The following AGAP1 variants were observed in gnomAD, a reference collection of about 807,000 sequenced individuals.
AGAP1 encodes arf-GAP with GTPase, ANK repeat and PH domain-containing protein 1.
A neutral mutation model predicts 105.3 loss-of-function variants in AGAP1; 29 were observed. That is an observed-to-expected ratio of 0.28 (90% CI 0.21 to 0.38). The LOEUF (loss-of-function observed/expected upper bound fraction) is 0.38, where lower values mean the gene tolerates loss of function less well. Among genes scored for constraint, AGAP1 ranks in the 10% least tolerant of loss-of-function variants. The pLI is 1.00. For missense variants in AGAP1, 998 were observed against 1,165.1 expected (o/e 0.86, Z 2.09); for synonymous variants, 509 against 485.9 (o/e 1.05, Z -0.63).
chr2:235,645,978 A>ATG (rs374752298), intron 1 of AGAP1, among the ~76,000 whole-genome samples: 167 of 152,204 alleles, frequency 1.1e-3, no homozygotes, highest in South Asian at 3.9e-3. Context: ...CTTGGTTGAC[A>ATG]TCAAGAAGGT....
Position 235,982,184 on chromosome 2 carries a change from C to T in AGAP1, c.1645+13561C>T, listed in dbSNP as rs114178122. On this transcript the variant is annotated intron_variant, in intron 13 of 17. Transcript: ENST00000304032. The surrounding 1 kb of genome is among the most constrained non-coding windows in gnomAD (Gnocchi z 4.9). ...GGCATATATAATGATGATCTCTTCG[C>T]AGCCTGGTAATTTTACCTGGACAAG... 8.7e-3 allele frequency among the ~76,000 whole-genome samples: 1,323 copies of T among 152,304 alleles called. 16 individuals carry two copies. The highest frequency in any genetic ancestry group is 0.03 in the African/African-American group (1,261 of 41,568).
At position 235,689,809 on chromosome 2, in the gene AGAP1, A is replaced by G. The variant is rs1361459576; in HGVS notation, c.164-19370A>G. On this transcript the variant is annotated intron_variant, in intron 1 of 17. Coordinates refer to ENST00000304032, the MANE Select transcript of AGAP1 (RefSeq NM_001037131.3). The surrounding 1 kb of genome is among the most constrained non-coding windows in gnomAD (Gnocchi z 4.2). Reference sequence around the variant, plus strand: ...AGCTCGTGCCTGCAGAGACTCTGCCAGCAGGGCTGAGGCTGCTGCCAGGAG... The same window carrying G: ...AGCTCGTGCCTGCAGAGACTCTGCCGGCAGGGCTGAGGCTGCTGCCAGGAG... Among the ~76,000 whole-genome samples the G allele has an allele frequency of 6.6e-6, 1 of 152,256 alleles. No homozygotes were observed. Among genetic ancestry groups the G allele is most frequent in the Non-Finnish European group, 1.5e-5 (1 of 68,046 alleles).
chr2:235,533,761 G>C (rs1308171405), intron 1 of AGAP1, among the ~76,000 whole-genome samples: 1 of 152,186 alleles, frequency 6.6e-6, no homozygotes, highest in Non-Finnish European at 1.5e-5. Context: ...TGCTCCTGTC[G>C]CCTGGTTTCA....
In AGAP1 at chr2:235,919,699, T is replaced by C. The variant is rs1168186392; in HGVS notation, c.1324+10793T>C. ...CAGTGTTGTCAAATGAAAATGAATTTCATGTTAAAAACACACACACACACA... is the reference window on the plus strand; with the variant it reads ...CAGTGTTGTCAAATGAAAATGAATTCCATGTTAAAAACACACACACACACA... On this transcript the variant is annotated intron_variant, in intron 11 of 17. Coordinates refer to ENST00000304032, the MANE Select transcript of AGAP1 (RefSeq NM_001037131.3). This position sits in a 1 kb window ranked among gnomAD's most constrained non-coding sequence, Gnocchi z 4.1. Among the ~76,000 whole-genome samples, 3 of 152,040 alleles carry C rather than the reference T, an allele frequency of 2.0e-5. No homozygotes were observed. The highest frequency in any genetic ancestry group is 7.3e-5 in the African/African-American group (3 of 41,338).
Position 235,882,282 on chromosome 2 carries a change from T to G in AGAP1, c.1051-1063T>G. The G allele has an allele frequency of 1.7e-6, 1 of 580,108 alleles. No homozygotes were observed. 35.9% of individuals were successfully genotyped at this position (580,108 alleles called of 1,614,324 possible). ...GGTTCACAATGCAGCTTGTGGCTCG[T>G]GTCCATCTTGCAGGTCGCTCTTCCT... On this transcript the variant is annotated intron_variant, in intron 9 of 17. Coordinates refer to ENST00000304032, the MANE Select transcript of AGAP1 (RefSeq NM_001037131.3). This position sits in a 1 kb window ranked among gnomAD's most constrained non-coding sequence, Gnocchi z 4.6.
rs531231624 is a variant in AGAP1, at chr2:236,035,616, T to TC, written c.1646-943dup. ...TCCAGCTTGGACAACAAAGTGGGAC[T>TC]CCATCTCAAAAACAGTTCTTCGTGG... On this transcript the variant is annotated intron_variant, in intron 13 of 17. Coordinates refer to ENST00000304032, the MANE Select transcript of AGAP1 (RefSeq NM_001037131.3). This position sits in a 1 kb window ranked among gnomAD's most constrained non-coding sequence, Gnocchi z 4.2. Among the ~76,000 whole-genome samples the TC allele has an allele frequency of 4.6e-5, 7 of 152,190 alleles. No homozygotes were observed. Among genetic ancestry groups the TC allele is most frequent in the Non-Finnish European group, 8.8e-5 (6 of 68,030 alleles).
intron 10 of AGAP1, among the ~76,000 whole-genome samples, chr2:235,895,084 A>G (rs1283382798): frequency 1.3e-5 from 2 of 152,186 alleles, no homozygotes; most frequent in Non-Finnish European, 2.9e-5. Context: ...CTTGCAGACC[A>G]TACTCCCCTG....
intron 13 of AGAP1, among the ~76,000 whole-genome samples, chr2:236,030,658 G>A (rs1488364761): frequency 6.6e-6 from 1 of 152,226 alleles, no homozygotes; most frequent in East Asian, 1.9e-4. Flanking sequence ...GGAAGGAGAA[G>A]GAGGGTCCTC....
In AGAP1 at chr2:236,126,290, C is replaced by G. The variant is rs1403791678; in HGVS notation, c.*2168C>G. 6.6e-6 allele frequency: 1 copy of G among 152,144 alleles called. No homozygotes were observed. Among genetic ancestry groups the G allele is most frequent in the Non-Finnish European group, 1.5e-5 (1 of 68,036 alleles). The allele number at this position is 152,144 out of a possible 1,614,324, so 9.4% of individuals were successfully genotyped here. A position where few individuals can be genotyped will look rare whatever the true frequency, so the allele number is the denominator to read the frequency against. On this transcript the variant is annotated 3_prime_UTR_variant, in exon 18 of 18. Coordinates refer to ENST00000304032, the MANE Select transcript of AGAP1 (RefSeq NM_001037131.3). ...GTGAATAGAAAAAAACAGGTCATTG[C>G]CTATTTTTGAAGAACGCGTTGGTGT...
chr2:235,667,455 C>CAA (rs150215396), intron 1 of AGAP1, among the ~76,000 whole-genome samples: 9 of 147,148 alleles, frequency 6.1e-5, no homozygotes, highest in African/African-American at 1.7e-4. Flanking sequence ...CTTACTAAGA[C>CAA]AAAAAAAAAA....
At chr2:235,991,358 G>T (rs982282554) in intron 13 of AGAP1, among the ~76,000 whole-genome samples, 1 of 152,136 alleles carries the variant, frequency 6.6e-6, no homozygotes, top group Non-Finnish European at 1.5e-5. Flanking sequence ...CAAGCAGCAT[G>T]ATCAATCAGA....
chr2:235,763,300 C>CA (rs56145835), intron 6 of AGAP1, among the ~76,000 whole-genome samples: 4,451 of 140,374 alleles, frequency 0.032, 86 homozygotes, highest in African/African-American at 0.059. Context: ...AAATATTCCA[C>CA]AAAAAAAAAA....
rs112286658 is a variant in AGAP1 at position 235,979,700 on chromosome 2, G to A, written c.1645+11077G>A. On this transcript the variant is annotated intron_variant, in intron 13 of 17. Transcript: ENST00000304032. This position sits in a 1 kb window ranked among gnomAD's most constrained non-coding sequence, Gnocchi z 4.5. ...GAGAAAATTGGCCATTTGTCTGTGG[G>A]GTAATGGGCTTTGCTGCAATATGAA... is the stretch of plus-strand genomic sequence containing the variant. 0.028 allele frequency among the ~76,000 whole-genome samples: 4,270 copies of A among 152,192 alleles called. 109 individuals are homozygous for A. Among genetic ancestry groups the A allele is most frequent in the South Asian group, 0.11 (520 of 4,824 alleles).
At position 235,739,500 on chromosome 2, in the gene AGAP1, C is replaced by T. The variant is rs1361527696; in HGVS notation, c.311-1463C>T. On this transcript the variant is annotated intron_variant, in intron 3 of 17. Coordinates refer to ENST00000304032, the MANE Select transcript of AGAP1 (RefSeq NM_001037131.3). This position sits in a 1 kb window ranked among gnomAD's most constrained non-coding sequence, Gnocchi z 5.3. ...CCTGACCATTTCCAGTGGGCCCTAC[C>T]GTCTTGTTTCAGTGACTGGGGGGAC... 1.3e-5 allele frequency among the ~76,000 whole-genome samples: 2 copies of T among 152,206 alleles called. No individual in the cohort carries two copies. The highest frequency in any genetic ancestry group is 2.4e-5 in the African/African-American group (1 of 41,456).
intron 1 of AGAP1, among the ~76,000 whole-genome samples, chr2:235,564,044 T>C (rs943166142): frequency 3.9e-5 from 6 of 152,218 alleles, no homozygotes; most frequent in African/African-American, 1.4e-4. Context: ...TATGTGGCTC[T>C]GCGATTGGAG....
chr2:235,840,768 GT>G (rs11373301), intron 9 of AGAP1, among the ~76,000 whole-genome samples: 42 of 146,658 alleles, frequency 2.9e-4, no homozygotes, highest in Admixed American at 1.2e-3. Context: ...AGAAAGAAGA[GT>G]TTTTTTTTTT....
chr2:236,066,217 GTTT>G (rs914044144), intron 16 of AGAP1, among the ~76,000 whole-genome samples: 2 of 152,090 alleles, frequency 1.3e-5, no homozygotes, highest in African/African-American at 2.4e-5. Context: ...TTTGGTTTTT[GTTT>G]TTTATTGTTT....
At chr2:236,039,450 A>G (rs1321040575) in intron 14 of AGAP1, among the ~76,000 whole-genome samples, 1 of 152,210 alleles carries the variant, frequency 6.6e-6, no homozygotes, top group African/African-American at 2.4e-5. Flanking sequence ...TAGGTGGGGA[A>G]AAAGGTACAT....
At position 235,971,784 on chromosome 2, in the gene AGAP1, T is replaced by TATTGATTGATTG. The variant is rs1172078524; in HGVS notation, c.1645+3165_1645+3166insATTGATTGATTG. ...TTATTTATTTATTTATTTATTTATT[T>TATTGATTGATTG]ATTGTATTTTTTGAGACAGGTCCTC... is the stretch of plus-strand genomic sequence containing the variant. On this transcript the variant is annotated intron_variant, in intron 13 of 17. Coordinates refer to ENST00000304032, the MANE Select transcript of AGAP1 (RefSeq NM_001037131.3). This position sits in a 1 kb window ranked among gnomAD's most constrained non-coding sequence, Gnocchi z 4.8. Among the ~76,000 whole-genome samples the TATTGATTGATTG allele has an allele frequency of 7.4e-5, 11 of 148,250 alleles. No homozygotes were observed. Among genetic ancestry groups the TATTGATTGATTG allele is most frequent in the African/African-American group, 2.5e-4 (10 of 40,300 alleles).
Sources: allele counts gnomAD v4.1 joint callset (sites outside exome capture counted in the v4.1 genomes callset), GRCh38; gene constraint gnomAD v4.1.1; non-coding constraint Gnocchi (gnomAD v3.1); transcripts MANE v1.5; gene names NCBI Gene and HGNC (gene_info 2026-07-23, HGNC 2026-07-21).